TARM1: variants seen among roughly 807,000 people sequenced by gnomAD.
TARM1 encodes T-cell-interacting, activating receptor on myeloid cells protein 1.
Under a neutral mutation model 30.4 loss-of-function variants are expected in TARM1, and 24 were observed. That is an observed-to-expected ratio of 0.79 (90% CI 0.57 to 1.11). The LOEUF (loss-of-function observed/expected upper bound fraction) is 1.11. TARM1 is among the 50% of genes least tolerant of loss of function. The pLI, the probability that TARM1 is intolerant of heterozygous loss-of-function variation, is 0.00. For missense variants in TARM1, 323 were observed against 332.8 expected (o/e 0.97, Z 0.23); for synonymous variants, 129 against 138.9 (o/e 0.93, Z 0.50).
chr19:54,080,047 A>AGGAAGGAAGGAAGGAG (rs1337743038), intron 1 of TARM1, among the ~76,000 whole-genome samples: 32 of 134,638 alleles, frequency 2.4e-4, no homozygotes, highest in South Asian at 5.1e-4. Context: ...GAAGGAAGGA[A>AGGAAGGAAGGAAGGAG]GGGAAAGAGA....
At chr19:54,078,909 A>G (rs2072026607) in intron 1 of TARM1, among the ~76,000 whole-genome samples, 1 of 152,092 alleles carries the variant, frequency 6.6e-6, no homozygotes, top group African/African-American at 2.4e-5. Flanking sequence ...GCAAAAAAGA[A>G]CAAGTGTTAT....
At chr19:54,070,259 C>CGGTTTTTT in intron 4 of TARM1, 99 bp from the exon 5 acceptor site, 1 of 1,453,952 alleles carries the variant, frequency 6.9e-7, no homozygotes. Flanking sequence ...TTAATGTTTT[C>CGGTTTTTT]GGTTTTTTGG....
At chr19:54,079,708 C>T (rs972031878) in intron 1 of TARM1, among the ~76,000 whole-genome samples, 4 of 151,570 alleles carry the variant, frequency 2.6e-5, no homozygotes, top group Non-Finnish European at 4.4e-5. Flanking sequence ...AAAAATTACA[C>T]GGGGCACTGT....
chr19:54,075,449 G>A (rs995488291), intron 2 of TARM1, among the ~76,000 whole-genome samples: 1 of 150,868 alleles, frequency 6.6e-6, no homozygotes, highest in Admixed American at 6.6e-5. Context: ...GCCTCCCAAA[G>A]TGCTGGGATT....
At chr19:54,072,742 C>T (rs1401920739) in intron 4 of TARM1, among the ~76,000 whole-genome samples, 2 of 152,000 alleles carry the variant, frequency 1.3e-5, no homozygotes, top group Admixed American at 6.6e-5. Context: ...TTTGGGAGGC[C>T]GAGGTGAGCG....
chr19:54,076,263 T>C (rs188225524), intron 1 of TARM1: 10 of 1,478,362 alleles, frequency 6.8e-6, no homozygotes, highest in Admixed American at 6.3e-5. Context: ...TCTTTCTTTT[T>C]TCTTTCTTTC....
intron 2 of TARM1, among the ~76,000 whole-genome samples, chr19:54,075,378 G>T (rs945897971): frequency 2.6e-5 from 4 of 151,704 alleles, no homozygotes; most frequent in African/African-American, 4.8e-5. Context: ...TAGAGACAAG[G>T]TTTCACCATG....
At chr19:54,075,746 T>G in intron 2 of TARM1, 137 bp downstream of exon 2, 1 of 954,212 alleles carries the variant, frequency 1.0e-6, no homozygotes. Flanking sequence ...TAAGCCGAGA[T>G]TGCACCACCG....
At chr19:54,078,196 T>C (rs1229336506) in intron 1 of TARM1, among the ~76,000 whole-genome samples, 5 of 136,760 alleles carry the variant, frequency 3.7e-5, no homozygotes, top group Non-Finnish European at 7.8e-5. Flanking sequence ...TTTTTTTTTT[T>C]TTTTTTTGAG....
At chr19:54,072,096 G>A (rs587754582) in intron 4 of TARM1, among the ~76,000 whole-genome samples, 1 of 152,102 alleles carries the variant, frequency 6.6e-6, no homozygotes, top group East Asian at 1.9e-4. Flanking sequence ...GGCTGAGGCA[G>A]AAGAATCGTT....
At chr19:54,076,046 T>C in intron 1 of TARM1, 128 bp from the exon 2 acceptor site, 1 of 1,430,042 alleles carries the variant, frequency 7.0e-7, no homozygotes, top group Non-Finnish European at 9.4e-7. Flanking sequence ...CGCTCAGGAG[T>C]TCTCATTCTC....
rs766519782 is a variant in TARM1, at chr19:54,070,160, A to G, written c.659T>C (p.Val220Ala). Residue 220 changes from valine to alanine, a missense_variant and splice_region_variant, in exon 5 of 5, where the codon GTT becomes GCT. Physicochemically the swap from Val to Ala is moderately conservative, Grantham distance 64. Transcript: ENST00000432826. ...GTTGCTCGATGTGGTACCTGGGGGA[A>G]CTGAAAGAGAGAAGGGGCTCAGCAC... ...PSDQLEILVT[V>A]PPGTTSSNYS... is the part of the protein sequence containing the mutation. The G allele has an allele frequency of 1.2e-5, 18 of 1,551,328 alleles. 1 individual carries two copies. The South Asian group carries it at 1.7e-4, about 14-fold the overall frequency.
chr19:54,073,117 G>A (rs2071851082), intron 4 of TARM1, among the ~76,000 whole-genome samples: 2 of 151,302 alleles, frequency 1.3e-5, no homozygotes, highest in Admixed American at 6.6e-5. Flanking sequence ...ATAACAAAAA[G>A]GCAAAGGAGG....
At chr19:54,074,300 G>T in intron 3 of TARM1, 84 bp from the exon 4 acceptor site, 1 of 1,283,834 alleles carries the variant, frequency 7.8e-7, no homozygotes, top group Non-Finnish European at 1.1e-6. Flanking sequence ...GGAGGCTCTC[G>T]TGGAGTGTGG....
At chr19:54,077,407 G>GA (rs1354379231) in intron 1 of TARM1, among the ~76,000 whole-genome samples, 1 of 151,734 alleles carries the variant, frequency 6.6e-6, no homozygotes, top group Non-Finnish European at 1.5e-5. Flanking sequence ...AGAAAGAAAA[G>GA]AAAAAACATA....
chr19:54,075,973 C>T (rs1348178913), intron 1 of TARM1, 55 bp from the exon 2 acceptor site: 2 of 1,543,548 alleles, frequency 1.3e-6, no homozygotes, highest in East Asian at 2.4e-5. Context: ...ACGTCACCCC[C>T]TGCCCTGACC....
At chr19:54,070,718 T>G (rs2071790692) in intron 4 of TARM1, among the ~76,000 whole-genome samples, 1 of 151,612 alleles carries the variant, frequency 6.6e-6, no homozygotes, top group African/African-American at 2.4e-5. Context: ...GTTCAAGTGA[T>G]TCTCCTGTCT....
In TARM1 at chr19:54,075,803, A is replaced by G; in HGVS notation, c.70+80T>C. 4.2e-5 allele frequency: 61 copies of G among 1,450,772 alleles called. No individual in the cohort carries two copies. The South Asian group carries it at 6.3e-4, about 15-fold the overall frequency. 89.9% of individuals were successfully genotyped at this position (1,450,772 alleles called of 1,614,324 possible). A position where few individuals can be genotyped will look rare whatever the true frequency, so the allele number is the denominator to read the frequency against. On this transcript the variant is annotated intron_variant, in intron 2 of 4. Coordinates refer to ENST00000432826, the MANE Select transcript of TARM1 (RefSeq NM_001135686.3). The stretch of plus-strand genomic sequence containing the variant: ...TGAGACTCCGTCAAAAAAAAAAGAG[A>G]AAAAGAGGGGGAAGGGGAAGAGAAC...
Position 54,070,019 on chromosome 19 carries a change from G to T in TARM1, c.800C>A (p.Ala267Asp), listed in dbSNP as rs573332245. The T allele has an allele frequency of 9.0e-6, 14 of 1,551,446 alleles. No individual in the cohort carries two copies. Among genetic ancestry groups the T allele is most frequent in the South Asian group, 7.1e-5 (6 of 84,052 alleles). ...AAGATGGAGTCACTCTGGTTTGAAG[G>T]CCTCTGATTCACCTGGAGACACATT... The part of the protein sequence containing the change: ...SRNVSPGESE[A>D]FKPE The change falls in exon 5 of 5, where the codon GCC (alanine) becomes GAC (aspartate). Residue 267 changes from alanine to aspartate, a missense_variant. Ala to Asp is a moderately radical substitution (Grantham distance 126, BLOSUM62 -2). Transcript: ENST00000432826.
Sources: gnomAD v4.1 joint callset for allele counts (sites outside exome capture counted in the v4.1 genomes callset) on GRCh38, gnomAD v4.1.1 for gene constraint, MANE v1.5 for transcripts, NCBI Gene and HGNC (gene_info 2026-07-23, HGNC 2026-07-21) for gene names.